SHPRH: variants seen among roughly 807,000 people sequenced by gnomAD.
SHPRH encodes SNF2 histone linker PHD RING helicase.
SHPRH carries 106 observed loss-of-function variants against 202.5 expected under a neutral mutation model. The ratio of observed to expected loss-of-function variants is 0.52; its 90% CI spans 0.45 to 0.62. SHPRH has a LOEUF of 0.62. Among genes scored for constraint, SHPRH ranks in the 20% least tolerant of loss-of-function variants. SHPRH has a pLI of 0.00. For missense variants in SHPRH, 1,710 were observed against 2,020.0 expected (o/e 0.85, Z 2.94); for synonymous variants, 729 against 686.0 (o/e 1.06, Z -0.98).
intron 25 of SHPRH, among the ~76,000 whole-genome samples, chr6:145,900,773 A>G (rs1782432706): frequency 6.6e-6 from 1 of 152,142 alleles, no homozygotes; most frequent in Admixed American, 6.6e-5. Context: ...TACAATACTG[A>G]ATACAATGTA....
At chr6:145,879,426 CAT>C (rs1221230860) in intron 2 of SHPRH, among the ~76,000 whole-genome samples, 1 of 152,006 alleles carries the variant, frequency 6.6e-6, no homozygotes, top group Non-Finnish European at 1.5e-5. Flanking sequence ...CAGAAAATAC[CAT>C]AGTTATTTAA....
At chr6:145,944,165 A>C (rs1268856942) in intron 8 of SHPRH, among the ~76,000 whole-genome samples, 2 of 152,184 alleles carry the variant, frequency 1.3e-5, no homozygotes, top group Admixed American at 6.6e-5. Context: ...AAAAACACCA[A>C]GTACTAAAAT....
At chr6:145,927,417 G>C in intron 14 of SHPRH, 140 bp from the exon 15 acceptor site, 1 of 714,072 alleles carries the variant, frequency 1.4e-6, no homozygotes, top group Non-Finnish European at 2.2e-6. Context: ...AATTTGACTT[G>C]GTATTAATAT....
chr6:145,869,081 C>A lies in SHPRH; in HGVS notation c.222-4590G>T, dbSNP rs185880403. Among the ~76,000 whole-genome samples the A allele has an allele frequency of 3.9e-3, 587 of 152,250 alleles. 3 individuals carry two copies. Among genetic ancestry groups the A allele is most frequent in the Middle Eastern group, 6.8e-3 (2 of 294 alleles). ...GTCAGTGTTTTAGATTTTGGCCATT[C>A]CAGTAGGTGTGTATCAATATCTTGT... On this transcript the variant is annotated intron_variant, in intron 2 of 2. Coordinates refer to the SHPRH transcript ENST00000417762.
chr6:145,942,440 AC>A (rs770694765), intron 9 of SHPRH, among the ~76,000 whole-genome samples: 185 of 152,316 alleles, frequency 1.2e-3, no homozygotes, highest in African/African-American at 4.3e-3. Flanking sequence ...AGCTTTGCCT[AC>A]CCACACAGAA....
At chr6:145,925,347 C>T (rs1024095303) in intron 16 of SHPRH, among the ~76,000 whole-genome samples, 7 of 150,586 alleles carry the variant, frequency 4.6e-5, no homozygotes, top group African/African-American at 1.7e-4. Flanking sequence ...TCACTACACA[C>T]ACACACACAC....
chr6:145,940,149 G>A (rs1786591598), intron 11 of SHPRH, among the ~76,000 whole-genome samples: 2 of 151,918 alleles, frequency 1.3e-5, no homozygotes, highest in South Asian at 4.1e-4. Context: ...TGGAGAGGAG[G>A]AAAAAACTAG....
chr6:145,869,385 C>T (rs1410782011), intron 2 of SHPRH, among the ~76,000 whole-genome samples: 2 of 152,168 alleles, frequency 1.3e-5, no homozygotes, highest in Non-Finnish European at 2.9e-5. Context: ...GATTGTGCCT[C>T]GGGTAGTGTA....
intron 2 of SHPRH, among the ~76,000 whole-genome samples, chr6:145,868,915 T>C (rs368955569): frequency 3.3e-5 from 5 of 152,350 alleles, no homozygotes; most frequent in South Asian, 2.1e-4. Flanking sequence ...TCTTAAATAA[T>C]AATGCCTCTC....
rs1212478503 is a variant in SHPRH, at chr6:145,926,443, T to C, written c.3202-147A>G. The C allele has an allele frequency of 5.5e-6, 4 of 721,652 alleles. No individual in the cohort carries two copies. The East Asian group carries it at 1.1e-4, about 19-fold the overall frequency. 44.7% of individuals were successfully genotyped at this position (721,652 alleles called of 1,614,324 possible). A position where few individuals can be genotyped will look rare whatever the true frequency, so the allele number is the denominator to read the frequency against. ...TCCTATAAAAAAATCTGAGTACTACTACTTTGTTTTCTTTACTCAAGGGCA... is the reference window on the plus strand; with the variant it reads ...TCCTATAAAAAAATCTGAGTACTACCACTTTGTTTTCTTTACTCAAGGGCA... On this transcript the variant is annotated intron_variant, in intron 15 of 29. Coordinates refer to ENST00000275233, the MANE Select transcript of SHPRH (RefSeq NM_001042683.3).
intron 25 of SHPRH, chr6:145,904,268 A>T (rs529531207): frequency 6.6e-6 from 1 of 152,200 alleles, no homozygotes; most frequent in East Asian, 1.9e-4. Context: ...TATATTTCAG[A>T]TAATATAAAC....
chr6:145,962,069 T>C (rs1201060241), intron 1 of SHPRH, among the ~76,000 whole-genome samples: 2 of 152,002 alleles, frequency 1.3e-5, no homozygotes, highest in Non-Finnish European at 1.5e-5. Flanking sequence ...AACGTAATTA[T>C]GTGAAGTTTT....
chr6:145,874,209 A>AATAAT (rs1780195465), intron 2 of SHPRH, among the ~76,000 whole-genome samples: 1 of 147,862 alleles, frequency 6.8e-6, no homozygotes, highest in Non-Finnish European at 1.5e-5. Context: ...AAAAATAATA[A>AATAAT]AATAATAATA....
At chr6:145,918,945 AGCAAAAGAAACACT>A (rs772222215) in intron 22 of SHPRH, 11 of 156,354 alleles carry the variant, frequency 7.0e-5, no homozygotes, top group Non-Finnish European at 1.3e-4. Flanking sequence ...GTTCATCATT[AGCAAAAGAAACACT>A]GCAAAAGAAA....
chr6:145,883,011 C>T (rs1036852039), downstream of SHPRH, among the ~76,000 whole-genome samples: 9 of 151,832 alleles, frequency 5.9e-5, no homozygotes, highest in African/African-American at 1.9e-4. Context: ...AGGCTATCTA[C>T]GGGGGTGTGG....
At chr6:145,928,547 T>C (rs1466444621) in intron 14 of SHPRH, among the ~76,000 whole-genome samples, 3 of 152,082 alleles carry the variant, frequency 2.0e-5, no homozygotes, top group African/African-American at 7.2e-5. Flanking sequence ...TATATATATA[T>C]GCAAACCTTT....
chr6:145,928,924 TTC>T (rs1280781131), intron 14 of SHPRH, among the ~76,000 whole-genome samples: 1 of 151,996 alleles, frequency 6.6e-6, no homozygotes, highest in African/African-American at 2.4e-5. Flanking sequence ...TCACAGTGAG[TTC>T]TCTTTTTTTA....
In SHPRH at chr6:145,922,784, GCTCTT is replaced by G. The variant is rs1784533737; in HGVS notation, c.3593_3597del (p.Glu1198AlafsTer3). ...CTTACTAGCTTCTGGCATTTATTTAGCTCTTCCATTTGTGTTGTAAGTAAGAACTG... is the reference window on the plus strand; with the variant it reads ...CTTACTAGCTTCTGGCATTTATTTAGCCATTTGTGTTGTAAGTAAGAACTG... On this transcript the variant is annotated frameshift_variant, in exon 19 of 30. Coordinates refer to ENST00000275233, the MANE Select transcript of SHPRH (RefSeq NM_001042683.3). LOFTEE classifies it high-confidence loss of function. 6.2e-7 allele frequency: 1 copy of G among 1,611,884 alleles called. No individual in the cohort carries two copies. The highest frequency in any genetic ancestry group is 8.5e-7 in the Non-Finnish European group (1 of 1,178,698).
chr6:145,871,256 A>C (rs1416350650), intron 2 of SHPRH: 1 of 152,220 alleles, frequency 6.6e-6, no homozygotes, highest in Non-Finnish European at 1.5e-5. Context: ...GGAAAAGAGG[A>C]AGTCAAACTA....
Sources: gnomAD v4.1 joint callset for allele counts (sites outside exome capture counted in the v4.1 genomes callset) on GRCh38, gnomAD v4.1.1 for gene constraint, MANE v1.5 for transcripts, NCBI Gene and HGNC (gene_info 2026-07-23, HGNC 2026-07-21) for gene names.